RNF24: variants seen among roughly 807,000 people sequenced by gnomAD.
RNF24 encodes the protein ring finger protein 24.
A neutral mutation model predicts 20.0 loss-of-function variants in RNF24; 14 were observed. The observed-to-expected ratio is 0.70, with a 90% confidence interval of 0.46 to 1.10. RNF24 has a LOEUF of 1.10. Ranked by LOEUF, RNF24 falls within the 50% of genes least tolerant of loss-of-function variation. RNF24 has a pLI of 0.00. For synonymous variants in RNF24, 45 were observed against 61.1 expected, an observed-to-expected ratio of 0.74 and a Z score of 1.23; for missense variants, 124 against 177.6, an observed-to-expected ratio of 0.70 and a Z score of 1.71.
chr20:4,009,948 G>A (rs1419470670), intron 1 of RNF24, among the ~76,000 whole-genome samples: 1 of 152,192 alleles, frequency 6.6e-6, no homozygotes, highest in Non-Finnish European at 1.5e-5. Flanking sequence ...CAACTGGGGA[G>A]GCTGAGGCAG....
At chr20:3,959,274 C>T (rs1265873877) in intron 2 of RNF24, among the ~76,000 whole-genome samples, 1 of 152,158 alleles carries the variant, frequency 6.6e-6, no homozygotes, top group Non-Finnish European at 1.5e-5. Context: ...ACCCAGCTGC[C>T]TAAGCCAGAA....
intron 2 of RNF24, among the ~76,000 whole-genome samples, chr20:3,955,694 T>C (rs2091134209): frequency 6.6e-6 from 1 of 152,204 alleles, no homozygotes; most frequent in Non-Finnish European, 1.5e-5. Flanking sequence ...GGGATTGCAC[T>C]GAATCTGTAG....
At position 3,963,855 on chromosome 20, in the gene RNF24, A is replaced by G; in HGVS notation, c.143+20T>C. The G allele has an allele frequency of 6.5e-7, 1 of 1,528,330 alleles. No homozygotes were observed. Among genetic ancestry groups the G allele is most frequent in the Non-Finnish European group, 8.9e-7 (1 of 1,120,176 alleles). 94.7% of individuals were successfully genotyped at this position (1,528,330 alleles called of 1,614,324 possible). ...ATTATTTAACATATTTTGAAGTAACATAGAATGAAAATTGGTTACCTAATC... is the reference window on the plus strand; with the variant it reads ...ATTATTTAACATATTTTGAAGTAACGTAGAATGAAAATTGGTTACCTAATC... On this transcript the variant is annotated intron_variant, in intron 2 of 5. Transcript: ENST00000358395.
chr20:4,003,197 C>T (rs1197663742), intron 1 of RNF24, among the ~76,000 whole-genome samples: 1 of 152,166 alleles, frequency 6.6e-6, no homozygotes, highest in Non-Finnish European at 1.5e-5. Flanking sequence ...TCTTGAACTC[C>T]TGATCTCGTG....
chr20:3,995,604 C>G (rs1980796632), intron 1 of RNF24, among the ~76,000 whole-genome samples: 1 of 152,178 alleles, frequency 6.6e-6, no homozygotes, highest in Non-Finnish European at 1.5e-5. Flanking sequence ...TGCAGGCTGC[C>G]TGGTAGTTTG....
At chr20:4,014,912 T>G (rs536577964) in intron 1 of RNF24, among the ~76,000 whole-genome samples, 87 of 152,270 alleles carry the variant, frequency 5.7e-4, no homozygotes, top group Non-Finnish European at 1.1e-3. Context: ...ACCACTGCCA[T>G]GCACACTGTG....
chr20:4,002,963 T>C (rs967597588), intron 1 of RNF24, among the ~76,000 whole-genome samples: 1 of 152,096 alleles, frequency 6.6e-6, no homozygotes, highest in Non-Finnish European at 1.5e-5. Flanking sequence ...CTTTGAATTT[T>C]TCTTTTTCTT....
At chr20:4,014,908 G>C (rs929598811) in intron 1 of RNF24, among the ~76,000 whole-genome samples, 4 of 152,194 alleles carry the variant, frequency 2.6e-5, no homozygotes, top group African/African-American at 9.7e-5. Context: ...CCCGACCACT[G>C]CCATGCACAC....
At chr20:3,997,805 CATTA>C (rs1414475044) in intron 1 of RNF24, among the ~76,000 whole-genome samples, 1 of 152,162 alleles carries the variant, frequency 6.6e-6, no homozygotes, top group Non-Finnish European at 1.5e-5. Flanking sequence ...GGAAATCTAA[CATTA>C]CAATGTAATC....
intron 2 of RNF24, among the ~76,000 whole-genome samples, chr20:3,954,901 GA>G (rs1402952010): frequency 2.0e-5 from 3 of 149,190 alleles, no homozygotes; most frequent in East Asian, 2.0e-4. Flanking sequence ...TCCATCTCAA[GA>G]AAAAAAAAAA....
At position 3,950,247 on chromosome 20, in the gene RNF24, ATTAG is replaced by A. The variant is rs1025702719; in HGVS notation, c.144-1972_144-1969del. Among the ~76,000 whole-genome samples, 58 of 152,318 alleles carry A rather than the reference ATTAG, an allele frequency of 3.8e-4. 1 individual carries two copies. Among genetic ancestry groups the A allele is most frequent in the South Asian group, 2.7e-3 (13 of 4,828 alleles). On this transcript the variant is annotated intron_variant, in intron 2 of 5. Coordinates refer to ENST00000358395, the MANE Select transcript of RNF24 (RefSeq NM_001134337.3). The stretch of plus-strand genomic sequence containing the variant: ...TTTGAAAATAGGGTCTTTTCAGATT[ATTAG>A]TTAGTTAAGATGAGGTTATATTGGA...
chr20:3,957,475 A>T (rs1247292661), intron 2 of RNF24, among the ~76,000 whole-genome samples: 1 of 148,810 alleles, frequency 6.7e-6, no homozygotes, highest in African/African-American at 2.4e-5. Context: ...AAAAAATAAT[A>T]ATAATAAAAA....
chr20:3,963,819 CTTGATTA>C, intron 2 of RNF24, 49 bp downstream of exon 2: 3 of 1,403,554 alleles, frequency 2.1e-6, no homozygotes, highest in Admixed American at 2.4e-5. Flanking sequence ...AGGACAGAAA[CTTGATTA>C]TTGATTATTT....
At chr20:4,007,526 T>C (rs960019499) in intron 1 of RNF24, among the ~76,000 whole-genome samples, 3 of 151,952 alleles carry the variant, frequency 2.0e-5, no homozygotes, top group African/African-American at 7.2e-5. Flanking sequence ...TGGAATAACA[T>C]GAAGAAAGAA....
chr20:3,965,540 T>TA (rs1270093367), intron 1 of RNF24, among the ~76,000 whole-genome samples: 3 of 152,232 alleles, frequency 2.0e-5, no homozygotes, highest in Admixed American at 1.3e-4. Flanking sequence ...TTGGCTCAGT[T>TA]AGAGCAAGTG....
In RNF24 at chr20:3,929,797, T is replaced by C. The variant is rs1010841368; in HGVS notation, c.*4266A>G. Reference sequence around the variant, plus strand: ...GTTGTGCTCTTGGATTAGCTGGGCATTTGGGGTAAGGGAGGGACTGCAGAT... The same window carrying C: ...GTTGTGCTCTTGGATTAGCTGGGCACTTGGGGTAAGGGAGGGACTGCAGAT... On this transcript the variant is annotated 3_prime_UTR_variant, in exon 6 of 6. Transcript: ENST00000358395. 12 of 152,214 alleles carry C rather than the reference T, an allele frequency of 7.9e-5. No homozygotes were observed. Among genetic ancestry groups the C allele is most frequent in the African/African-American group, 2.7e-4 (11 of 41,458 alleles). The allele number at this position is 152,214 out of a possible 1,614,324, so 9.4% of individuals were successfully genotyped here.
At chr20:3,975,056 G>T (rs1978748664) in intron 1 of RNF24, among the ~76,000 whole-genome samples, 1 of 152,150 alleles carries the variant, frequency 6.6e-6, no homozygotes, top group South Asian at 2.1e-4. Flanking sequence ...CAAAAGGATA[G>T]ACACATAAGT....
chr20:4,000,416 T>C (rs1299991525), intron 1 of RNF24, among the ~76,000 whole-genome samples: 1 of 151,994 alleles, frequency 6.6e-6, no homozygotes, highest in Non-Finnish European at 1.5e-5. Flanking sequence ...TCCCAGCTAC[T>C]TGGGAGGCTG....
chr20:3,938,408 A>G (rs1354413395), intron 4 of RNF24, among the ~76,000 whole-genome samples: 3 of 152,244 alleles, frequency 2.0e-5, no homozygotes, highest in Non-Finnish European at 4.4e-5. Flanking sequence ...AGAGCACTAC[A>G]CATTCATAGA....
Sources: gnomAD v4.1 joint callset for allele counts (sites outside exome capture counted in the v4.1 genomes callset) on GRCh38, gnomAD v4.1.1 for gene constraint, MANE v1.5 for transcripts, NCBI Gene and HGNC (gene_info 2026-07-23, HGNC 2026-07-21) for gene names.